Variants in USP54 observed in about 807,000 individuals in gnomAD.
The protein encoded by USP54 is ubiquitin specific peptidase 54.
USP54 carries 87 observed loss-of-function variants against 170.5 expected under a neutral mutation model. The observed-to-expected ratio is 0.51, with a 90% CI of 0.43 to 0.61. The LOEUF (loss-of-function observed/expected upper bound fraction) is 0.61. Among genes scored for constraint, USP54 ranks in the 20% least tolerant of loss-of-function variants. USP54 has a pLI of 0.00. For missense variants in USP54, 1,786 were observed against 2,047.8 expected (o/e 0.87, Z 2.47); for synonymous variants, 655 against 742.8 (o/e 0.88, Z 1.92).
intron 12 of USP54, among the ~76,000 whole-genome samples, chr10:73,533,982 G>A (rs1038375860): frequency 6.6e-6 from 1 of 152,080 alleles, no homozygotes; most frequent in African/African-American, 2.4e-5. Context: ...GGGATACTAC[G>A]GGAATCAAGA....
chr10:73,538,204 C>CA (rs78033068), intron 10 of USP54: 67 of 138,144 alleles, frequency 4.9e-4, no homozygotes, highest in East Asian at 6.1e-4. Flanking sequence ...GACCCTATGT[C>CA]AAAAAAAAAA....
intron 1 of USP54, among the ~76,000 whole-genome samples, chr10:73,623,941 T>C (rs2081276068): frequency 6.6e-6 from 1 of 151,932 alleles, no homozygotes; most frequent in African/African-American, 2.4e-5. Context: ...CACAGTACTT[T>C]ACACATAACA....
At chr10:73,513,745 T>C (rs78826284) in intron 20 of USP54, among the ~76,000 whole-genome samples, 3,063 of 152,318 alleles carry the variant, frequency 0.02, 41 homozygotes, top group Non-Finnish European at 0.033. Context: ...TTATCAGTGA[T>C]TTTTGATACT....
rs374615017 is a variant in USP54 at position 73,505,394 on chromosome 10, A to T, written c.4084T>A (p.Ser1362Thr). ...TTTGAGAGACCAGGATCATGGGCTG[A>T]GTGCAACCTCCTCCCCATGCCATCT... ...SADGMGRRLH[S>T]AHDPGLSKTS... Residue 1362 changes from serine (S) to threonine (T), a missense_variant, in exon 21 of 24, where the codon TCA becomes ACA. Ser to Thr is a moderately conservative substitution (Grantham distance 58). Coordinates refer to ENST00000687698, the MANE Select transcript of USP54 (RefSeq NM_001391956.1). The T allele has an allele frequency of 8.1e-6, 13 of 1,614,126 alleles. No homozygotes were observed. Among genetic ancestry groups the T allele is most frequent in the Non-Finnish European group, 1.1e-5 (13 of 1,179,996 alleles).
At chr10:73,624,018 T>C in intron 1 of USP54, among the ~76,000 whole-genome samples, 1 of 151,876 alleles carries the variant, frequency 6.6e-6, no homozygotes, top group Admixed American at 6.6e-5. Context: ...CACACAAAGC[T>C]TTATCTTGCA....
chr10:73,583,960 A>G (rs915407789), intron 1 of USP54, among the ~76,000 whole-genome samples: 2 of 152,220 alleles, frequency 1.3e-5, no homozygotes, highest in African/African-American at 2.4e-5. Context: ...CTATAAATTC[A>G]AAATAAAAAA....
At chr10:73,535,098 A>T (rs1311599846) in intron 11 of USP54, among the ~76,000 whole-genome samples, 1 of 152,224 alleles carries the variant, frequency 6.6e-6, no homozygotes, top group Non-Finnish European at 1.5e-5. Flanking sequence ...ATCTATTTAG[A>T]TGGAAAGTCC....
chr10:73,561,197 G>A (rs2072950560), intron 4 of USP54, among the ~76,000 whole-genome samples: 3 of 151,634 alleles, frequency 2.0e-5, no homozygotes, highest in Non-Finnish European at 4.4e-5. Context: ...TTTATAGTAT[G>A]GTCCAAGCAC....
At chr10:73,575,452 G>T in intron 3 of USP54, 60 bp downstream of exon 3, 1 of 1,494,002 alleles carries the variant, frequency 6.7e-7, no homozygotes. Context: ...AGAGTTATCA[G>T]AAATACAGCA....
intron 17 of USP54, among the ~76,000 whole-genome samples, chr10:73,522,016 A>G (rs995458922): frequency 3.3e-5 from 5 of 151,682 alleles, no homozygotes; most frequent in African/African-American, 7.3e-5. Flanking sequence ...GGTTGCAGGG[A>G]AAAAAAAATG....
chr10:73,582,878 A>G (rs2077053792), intron 1 of USP54, among the ~76,000 whole-genome samples: 1 of 152,214 alleles, frequency 6.6e-6, no homozygotes, highest in Non-Finnish European at 1.5e-5. Context: ...TAGTTTCACA[A>G]TGGAGAAACC....
chr10:73,569,942 A>AAAAAC (rs2074769239), intron 4 of USP54, among the ~76,000 whole-genome samples: 3 of 118,068 alleles, frequency 2.5e-5, no homozygotes, highest in Non-Finnish European at 3.4e-5. Context: ...AAAAAAAAAC[A>AAAAAC]CCCTCCATAG....
intron 1 of USP54, among the ~76,000 whole-genome samples, chr10:73,598,970 T>C (rs2078959153): frequency 6.6e-6 from 1 of 151,864 alleles, no homozygotes; most frequent in Admixed American, 6.6e-5. Context: ...TCCCAGCTAC[T>C]TGGGAGGCTG....
At position 73,498,664 on chromosome 10, in the gene USP54, T is replaced by G. The variant is rs1279632047; in HGVS notation, c.5020A>C (p.Ile1674Leu). The G allele has an allele frequency of 6.3e-7, 1 of 1,578,226 alleles. No homozygotes were observed. Among genetic ancestry groups the G allele is most frequent in the Admixed American group, 1.8e-5 (1 of 55,222 alleles). Residue 1674 changes from isoleucine to leucine, a missense_variant, in exon 24 of 24, where the codon ATC becomes CTC. By Grantham distance (5) the Ile-to-Leu change is conservative. This residue lies in a region of USP54 where 1,418 missense variants were observed against 1,569.0 expected (regional missense o/e 0.90). Coordinates refer to ENST00000687698, the MANE Select transcript of USP54 (RefSeq NM_001391956.1). ...VLSDAPRREQ[I>L]RARVLQHSQW ...CTGTGCTGCAGGACTCTAGCCCTGATCTGCTCTCTTCTGGGAGCATCTGAT... is the reference window on the plus strand; with the variant it reads ...CTGTGCTGCAGGACTCTAGCCCTGAGCTGCTCTCTTCTGGGAGCATCTGAT...
intron 23 of USP54, among the ~76,000 whole-genome samples, chr10:73,500,265 C>T (rs771153609): frequency 6.6e-6 from 1 of 152,226 alleles, no homozygotes; most frequent in Non-Finnish European, 1.5e-5. Flanking sequence ...GACCATCCCT[C>T]AGCTGAGACT....
intron 1 of USP54, among the ~76,000 whole-genome samples, chr10:73,589,048 A>G (rs1225845113): frequency 3.9e-5 from 6 of 152,236 alleles, no homozygotes; most frequent in African/African-American, 1.4e-4. Context: ...CCTCCCAGGA[A>G]CATCATGAAT....
chr10:73,499,256 T>C (rs2057540224), intron 23 of USP54, 68 bp from the exon 24 acceptor site: 1 of 1,484,710 alleles, frequency 6.7e-7, no homozygotes, highest in Non-Finnish European at 9.0e-7. Context: ...CAGAGAGCCA[T>C]GCCTAGCTGT....
chr10:73,603,117 AG>A (rs2079332724), intron 1 of USP54, among the ~76,000 whole-genome samples: 1 of 152,112 alleles, frequency 6.6e-6, no homozygotes, highest in African/African-American at 2.4e-5. Context: ...ATACGCTAAC[AG>A]GCTGTCTAAG....
intron 1 of USP54, among the ~76,000 whole-genome samples, chr10:73,612,606 C>T (rs2080236730): frequency 6.6e-6 from 1 of 151,988 alleles, no homozygotes; most frequent in African/African-American, 2.4e-5. Context: ...CTTAGGGAGG[C>T]CAAGGCTGGC....
Sources: allele counts gnomAD v4.1 joint callset (sites outside exome capture counted in the v4.1 genomes callset), GRCh38; gene constraint gnomAD v4.1.1; regional missense constraint gnomAD v4.1.1; transcripts MANE v1.5; gene names NCBI Gene and HGNC (gene_info 2026-07-23, HGNC 2026-07-21).